Variants in GSE1 observed in about 807,000 individuals in gnomAD.
The protein encoded by GSE1 is Gse1 coiled-coil protein.
Under a neutral mutation model 112.6 loss-of-function variants are expected in GSE1, and 32 were observed. The observed-to-expected ratio is 0.28, with a 90% CI of 0.21 to 0.38. The LOEUF (loss-of-function observed/expected upper bound fraction) is 0.38, where lower values mean the gene tolerates loss of function less well. Ranked by LOEUF, GSE1 falls within the 10% of genes least tolerant of loss-of-function variation. The pLI is 1.00. For synonymous variants in GSE1, 1,115 were observed against 735.6 expected (o/e 1.52, Z -8.35); for missense variants, 2,348 against 1,699.2 (o/e 1.38, Z -6.71).
intron 1 of GSE1, among the ~76,000 whole-genome samples, chr16:85,584,837 G>C (rs2046613933): frequency 6.6e-6 from 1 of 152,012 alleles, no homozygotes. Context: ...TGGCTCTGCA[G>C]GATGGAAACG....
intron 1 of GSE1, among the ~76,000 whole-genome samples, chr16:85,578,672 C>T (rs563764654): frequency 7.8e-4 from 119 of 152,310 alleles, no homozygotes; most frequent in Non-Finnish European, 1.4e-3. Context: ...AATCAGGCAG[C>T]TTCCCTGCTG....
intron 1 of GSE1, among the ~76,000 whole-genome samples, chr16:85,584,939 G>A (rs981332431): frequency 1.3e-5 from 2 of 151,520 alleles, no homozygotes; most frequent in African/African-American, 4.9e-5. Context: ...GAGGCAAACC[G>A]TGGGGCCACG....
At chr16:85,500,909 C>T (rs1216791839) in intron 2 of GSE1, among the ~76,000 whole-genome samples, 4 of 151,616 alleles carry the variant, frequency 2.6e-5, no homozygotes, top group Non-Finnish European at 5.9e-5. Context: ...GGCTGTCTTC[C>T]GTGTGTGTGT....
At chr16:85,528,383 C>G (rs2052428945) in intron 2 of GSE1, among the ~76,000 whole-genome samples, 1 of 152,166 alleles carries the variant, frequency 6.6e-6, no homozygotes, top group African/African-American at 2.4e-5. Context: ...ACAACCCTAG[C>G]TCACTAAAGC....
At chr16:85,661,082 G>C (rs1206617247) in intron 8 of GSE1, 64 bp from the exon 9 acceptor site, 2 of 1,469,206 alleles carry the variant, frequency 1.4e-6, no homozygotes, top group African/African-American at 2.8e-5. Context: ...CAGGCAGCCA[G>C]GGAAGCCTGT....
intron 11 of GSE1, among the ~76,000 whole-genome samples, chr16:85,664,043 C>T (rs1476337049): frequency 6.6e-6 from 1 of 152,264 alleles, no homozygotes; most frequent in Non-Finnish European, 1.5e-5. Context: ...GGCTGCCAAG[C>T]AGGGCAGCAC....
Position 85,663,476 on chromosome 16 carries a change from C to T in GSE1, c.2506C>T (p.Arg836Trp), listed in dbSNP as rs143093844. The T allele has an allele frequency of 2.2e-5, 36 of 1,613,794 alleles. No homozygotes were observed. Among genetic ancestry groups the T allele is most frequent in the Non-Finnish European group, 2.6e-5 (31 of 1,180,042 alleles). The change falls in exon 11 of 16, where the codon CGG becomes TGG. Residue 836 changes from arginine to tryptophan, a missense_variant. Arg to Trp is a moderately radical substitution (Grantham distance 101). Coordinates refer to ENST00000253458, the MANE Select transcript of GSE1 (RefSeq NM_014615.5). ...GTCGCCCCCAACAATTCAGAGCAAG[C>T]GGCAGACGCCTTCACCGAGACTGGC... ...SPSPPTIQSK[R>W]QTPSPRLALS...
At chr16:85,468,371 C>T (rs958667994) in intron 2 of GSE1, among the ~76,000 whole-genome samples, 5 of 138,052 alleles carry the variant, frequency 3.6e-5, no homozygotes, top group Admixed American at 8.0e-5. Context: ...GGCTGGAGTG[C>T]GGTGACGCGA....
At chr16:85,304,601 C>CGGGGGGG (rs1290541396) in intron 1 of GSE1, among the ~76,000 whole-genome samples, 17 of 78,146 alleles carry the variant, frequency 2.2e-4, no homozygotes, top group Admixed American at 3.9e-4. Context: ...AAGCCGGGGG[C>CGGGGGGG]GGGGGGGTGG....
chr16:85,284,490 C>T (rs574400888), intron 1 of GSE1, among the ~76,000 whole-genome samples: 1 of 152,356 alleles, frequency 6.6e-6, no homozygotes, highest in South Asian at 2.1e-4. Context: ...ACAAACTCCC[C>T]AGGCCCCCAG....
intron 2 of GSE1, among the ~76,000 whole-genome samples, chr16:85,495,201 G>A (rs1425118374): frequency 7.9e-5 from 12 of 152,182 alleles, no homozygotes; most frequent in Admixed American, 7.9e-4. Context: ...AGCCAAGGTT[G>A]GGGTCCCTGA....
chr16:85,629,988 G>A (rs1168973822), intron 1 of GSE1, among the ~76,000 whole-genome samples: 1 of 152,226 alleles, frequency 6.6e-6, no homozygotes, highest in African/African-American at 2.4e-5. Context: ...CTGGCTCAGG[G>A]TCTGTGATGA....
At chr16:85,191,853 A>G (rs931781546) in intron 1 of GSE1, among the ~76,000 whole-genome samples, 1 of 152,112 alleles carries the variant, frequency 6.6e-6, no homozygotes, top group Non-Finnish European at 1.5e-5. Flanking sequence ...ACCATGACGG[A>G]TAGACTTGGG....
intron 2 of GSE1, among the ~76,000 whole-genome samples, chr16:85,401,362 T>C (rs913944527): frequency 0.013 from 25 of 1,986 alleles, no homozygotes; most frequent in Admixed American, 0.024. Context: ...TCAGAGTGGG[T>C]GGGGTGGGTG....
intron 2 of GSE1, among the ~76,000 whole-genome samples, chr16:85,386,878 G>T (rs1004642752): frequency 2.0e-5 from 3 of 151,750 alleles, no homozygotes; most frequent in Non-Finnish European, 4.4e-5. Context: ...CATTCCTGGG[G>T]TGCCTCTTGG....
At chr16:85,227,802 C>G (rs1041138915) in intron 1 of GSE1, among the ~76,000 whole-genome samples, 3 of 152,202 alleles carry the variant, frequency 2.0e-5, no homozygotes, top group African/African-American at 4.8e-5. Context: ...CTGATTGATT[C>G]ATTCATTCCC....
chr16:85,271,070 A>C (rs902243945), intron 1 of GSE1, among the ~76,000 whole-genome samples: 16 of 152,348 alleles, frequency 1.1e-4, no homozygotes, highest in African/African-American at 3.1e-4. Flanking sequence ...TCTGTGGCCC[A>C]GCAGCCCACC....
intron 4 of GSE1, 48 bp downstream of exon 4, chr16:85,654,498 A>G (rs771961493): frequency 2.0e-5 from 30 of 1,490,852 alleles, no homozygotes; most frequent in Non-Finnish European, 2.5e-5. Context: ...GTGGGGACAC[A>G]GTGCTCAGGG....
chr16:85,227,313 T>G (rs543225949), intron 1 of GSE1, among the ~76,000 whole-genome samples: 14 of 152,370 alleles, frequency 9.2e-5, no homozygotes, highest in African/African-American at 3.4e-4. Flanking sequence ...AGTGAGCACC[T>G]GCTGTTCTCA....
Sources: allele counts gnomAD v4.1 joint callset (sites outside exome capture counted in the v4.1 genomes callset), GRCh38; gene constraint gnomAD v4.1.1; transcripts MANE v1.5; gene names NCBI Gene and HGNC (gene_info 2026-07-23, HGNC 2026-07-21).